OR10J1: variants seen among roughly 807,000 people sequenced by gnomAD.
OR10J1 encodes olfactory receptor 10J1.
For missense variants in OR10J1, 474 were observed against 376.6 expected (o/e 1.26, Z -2.14); for synonymous variants, 202 against 143.8 (o/e 1.40, Z -2.89).
the OR10J1 span, among the ~76,000 whole-genome samples, chr1:159,411,645 T>C: frequency 2.0e-5 from 3 of 152,152 alleles, no homozygotes; most frequent in Non-Finnish European, 4.4e-5. Flanking sequence ...GTCTTGACTC[T>C]TTATCCAATT....
chr1:159,423,841 G>A, the OR10J1 span, among the ~76,000 whole-genome samples: 1 of 152,200 alleles, frequency 6.6e-6, no homozygotes, highest in African/African-American at 2.4e-5. Flanking sequence ...ACTTGCCATT[G>A]TATTGCTGTC....
Position 159,440,102 on chromosome 1 carries a change from T to C in OR10J1, c.311T>C (p.Phe104Ser). Residue 104 changes from phenylalanine to serine, a missense_variant, in exon 1 of 1, where the codon TTT (phenylalanine) becomes TCT (serine). Phe to Ser is a radical substitution (Grantham distance 155). Transcript: ENST00000423932. Reference protein sequence around the residue: ...LAGCATQMFFFVTFGITNCFL... With the variant: ...LAGCATQMFFSVTFGITNCFL... ...GGGTGTGCCACACAGATGTTCTTTT[T>C]TGTAACCTTTGGCATCACTAACTGC... 1 of 1,614,152 alleles carries C rather than the reference T, an allele frequency of 6.2e-7. No homozygotes were observed. Among genetic ancestry groups the C allele is most frequent in the African/African-American group, 1.3e-5 (1 of 75,038 alleles).
chr1:159,403,757 C>T, the OR10J1 span, among the ~76,000 whole-genome samples: 2 of 152,150 alleles, frequency 1.3e-5, no homozygotes, highest in Non-Finnish European at 2.9e-5. Flanking sequence ...AGCAATCCAA[C>T]TGCTGGATAT....
the OR10J1 span, among the ~76,000 whole-genome samples, chr1:159,424,140 C>T: frequency 6.6e-6 from 1 of 151,180 alleles, no homozygotes; most frequent in Admixed American, 6.6e-5. Flanking sequence ...CGCTTGAATC[C>T]AGGAGACGGA....
At position 159,440,549 on chromosome 1, in the gene OR10J1, G is replaced by A; in HGVS notation, c.758G>A (p.Cys253Tyr). Residue 253 changes from cysteine (C) to tyrosine (Y), a missense_variant, in exon 1 of 1, where the codon TGT becomes TAT. Coordinates refer to ENST00000423932, the MANE Select transcript of OR10J1 (RefSeq NM_012351.3). ...HLTVVIVHYS[C>Y]ASIAYLKPKS... is the part of the protein sequence containing the mutation. ...ACTGTGGTCATTGTCCACTACAGCT[G>A]TGCCTCCATTGCCTACCTCAAGCCC... The A allele has an allele frequency of 6.2e-7, 1 of 1,613,936 alleles. No individual in the cohort carries two copies. Among genetic ancestry groups the A allele is most frequent in the Non-Finnish European group, 8.5e-7 (1 of 1,179,992 alleles).
Position 159,440,439 on chromosome 1 carries a change from T to G in OR10J1, c.648T>G (p.Ser216=). Residue 216 remains serine (S), a synonymous_variant, in exon 1 of 1, where the codon TCT becomes TCG. Transcript: ENST00000423932. ...TACCTATGGGTCTGGTTTTCATTTC[T>G]TATGTTCTCATTATCTCTACAATCC... ...LVVPMGLVFI[S]YVLIISTILK... The G allele has an allele frequency of 6.2e-7, 1 of 1,614,184 alleles. No individual in the cohort carries two copies. Among genetic ancestry groups the G allele is most frequent in the East Asian group, 2.2e-5 (1 of 44,878 alleles).
At chr1:159,427,622 A>G in the OR10J1 span, among the ~76,000 whole-genome samples, 2 of 152,060 alleles carry the variant, frequency 1.3e-5, no homozygotes, top group Non-Finnish European at 2.9e-5. Flanking sequence ...TAAAAACCCC[A>G]TAAAACAGGA....
the OR10J1 span, among the ~76,000 whole-genome samples, chr1:159,408,849 T>C: frequency 1.7e-3 from 265 of 152,144 alleles, no homozygotes; most frequent in Non-Finnish European, 2.9e-3. Context: ...TAGAGAAGAT[T>C]ATTATGTCAT....
the OR10J1 span, among the ~76,000 whole-genome samples, chr1:159,423,964 C>A: frequency 6.6e-6 from 1 of 152,086 alleles, no homozygotes; most frequent in Non-Finnish European, 1.5e-5. Context: ...CATCTGTAAT[C>A]CCAGCAGTTT....
At chr1:159,409,929 G>T in the OR10J1 span, among the ~76,000 whole-genome samples, 1 of 151,992 alleles carries the variant, frequency 6.6e-6, no homozygotes, top group Non-Finnish European at 1.5e-5. Flanking sequence ...TTTTGTCAAA[G>T]GCCTTTTCTG....
the OR10J1 span, among the ~76,000 whole-genome samples, chr1:159,401,480 C>T: frequency 3.1e-4 from 47 of 151,724 alleles, no homozygotes; most frequent in Non-Finnish European, 6.5e-4. Flanking sequence ...CAAGTATATG[C>T]CAATAAATTG....
chr1:159,440,655 A>G lies in OR10J1; in HGVS notation c.864A>G (p.Val288=). Residue 288 remains valine (V), a synonymous_variant, in exon 1 of 1, where the codon GTA becomes GTG. Transcript: ENST00000423932. The stretch of plus-strand genomic sequence containing the variant: ...TCACTCCCCTACTGAACCCTGTGGT[A>G]TACACCCTGAGAAATAAAGAGGTCA... ...TVITPLLNPV[V]YTLRNKEVKD... is the part of the protein sequence containing the mutation. The G allele has an allele frequency of 3.1e-6, 5 of 1,613,986 alleles. No homozygotes were observed. The highest frequency in any genetic ancestry group is 3.4e-6 in the Non-Finnish European group (4 of 1,179,994).
At chr1:159,435,059 A>AT (rs1295267790), upstream of OR10J1, among the ~76,000 whole-genome samples, 1 of 152,116 alleles carries the variant, frequency 6.6e-6, no homozygotes, top group Non-Finnish European at 1.5e-5. Flanking sequence ...TCTTCCAAGT[A>AT]TTACTTCCTG....
the OR10J1 span, among the ~76,000 whole-genome samples, chr1:159,412,048 C>G: frequency 6.6e-6 from 1 of 151,976 alleles, no homozygotes; most frequent in Non-Finnish European, 1.5e-5. Context: ...CAATAACAGA[C>G]AAACAGAGAG....
chr1:159,430,668 T>TGTGTGTGTGTGTGTGCGC, the OR10J1 span, among the ~76,000 whole-genome samples: 6 of 69,612 alleles, frequency 8.6e-5, no homozygotes, highest in African/African-American at 1.2e-4. Context: ...TGTGTGTGTG[T>TGTGTGTGTGTGTGTGCGC]GCGCGCGCGC....
the OR10J1 span, among the ~76,000 whole-genome samples, chr1:159,427,140 A>T: frequency 2.0e-5 from 3 of 151,868 alleles, no homozygotes; most frequent in African/African-American, 7.2e-5. Context: ...AAAATTTTAA[A>T]ATATATACTA....
At position 159,440,862 on chromosome 1, in the gene OR10J1, G is replaced by A; in HGVS notation, c.*141G>A. ...AGGAATAGCAGTTTCATACAACTGG[G>A]AGTCTGAAGCTTTAAATAAAGTTAC... On this transcript the variant is annotated 3_prime_UTR_variant, in exon 1 of 1. Transcript: ENST00000423932. The A allele has an allele frequency of 1.2e-6, 1 of 846,692 alleles. No individual in the cohort carries two copies. The highest frequency in any genetic ancestry group is 1.8e-6 in the Non-Finnish European group (1 of 561,016). 52.4% of individuals were successfully genotyped at this position (846,692 alleles called of 1,614,324 possible). A position where few individuals can be genotyped will look rare whatever the true frequency, so the allele number is the denominator to read the frequency against.
chr1:159,401,911 T>C, the OR10J1 span, among the ~76,000 whole-genome samples: 1 of 152,220 alleles, frequency 6.6e-6, no homozygotes, highest in Non-Finnish European at 1.5e-5. Flanking sequence ...CCAAGTGGGA[T>C]TTAATCCTGG....
At chr1:159,403,073 C>G in the OR10J1 span, among the ~76,000 whole-genome samples, 182 of 152,190 alleles carry the variant, frequency 1.2e-3, 2 homozygotes, top group Non-Finnish European at 1.2e-3. Context: ...AAGGATTAAA[C>G]TAGACCCCTA....
Sources: allele counts gnomAD v4.1 joint callset (sites outside exome capture counted in the v4.1 genomes callset), GRCh38; gene constraint gnomAD v4.1.1; transcripts MANE v1.5; gene names NCBI Gene and HGNC (gene_info 2026-07-23, HGNC 2026-07-21).